The following KNTC1 variants were observed in gnomAD, a reference collection of about 807,000 sequenced individuals.
KNTC1 encodes kinetochore associated 1, also known as kinetochore-associated protein 1.
Under a neutral mutation model 314.4 loss-of-function variants are expected in KNTC1, and 253 were observed. That is an observed-to-expected ratio of 0.80 (90% CI 0.73 to 0.89). The LOEUF (loss-of-function observed/expected upper bound fraction) is 0.89. Ranked by LOEUF, KNTC1 falls within the 40% of genes least tolerant of loss-of-function variation. The pLI is 0.00. For missense variants in KNTC1, 2,475 were observed against 2,572.9 expected, an observed-to-expected ratio of 0.96 and a Z score of 0.82; for synonymous variants, 901 against 901.4, an observed-to-expected ratio of 1.00 and a Z score of 0.01.
At chr12:122,528,697 A>G (rs1961013719) in intron 1 of KNTC1, among the ~76,000 whole-genome samples, 2 of 152,224 alleles carry the variant, frequency 1.3e-5, no homozygotes, top group Non-Finnish European at 1.5e-5. Context: ...TAAATGGCAT[A>G]GTATTTGCAT....
chr12:122,588,122 T>C (rs1869632432), intron 39 of KNTC1, among the ~76,000 whole-genome samples: 1 of 152,206 alleles, frequency 6.6e-6, no homozygotes, highest in Admixed American at 6.5e-5. Context: ...GAAGCTCAGC[T>C]CAGATTCAGG....
In KNTC1 at chr12:122,621,908, G is replaced by A. The variant is rs186319199; in HGVS notation, c.6307G>A (p.Val2103Ile). Residue 2103 changes from valine (V) to isoleucine (I), a missense_variant, in exon 61 of 64, where the codon GTT (valine) becomes ATT (isoleucine). Val to Ile is a conservative substitution (Grantham distance 29). Transcript: ENST00000333479. ...KNFLGSCDPQ[V>I]ILKQLEEHMN... The stretch of plus-strand genomic sequence containing the variant: ...TTTTCTGGGTTCCTGTGACCCTCAG[G>A]TTATTTTAAAGCAATTGGAAGAGCA... 1 of 1,606,742 alleles carries A rather than the reference G, an allele frequency of 6.2e-7. No individual in the cohort carries two copies. The highest frequency in any genetic ancestry group is 1.3e-5 in the African/African-American group (1 of 74,772).
intron 6 of KNTC1, among the ~76,000 whole-genome samples, chr12:122,542,934 A>G (rs1230213777): frequency 6.6e-6 from 1 of 151,940 alleles, no homozygotes; most frequent in Non-Finnish European, 1.5e-5. Flanking sequence ...TATTTTTGAG[A>G]TGGAGTCTTG....
At chr12:122,574,703 TCTC>T (rs1252100402) in intron 27 of KNTC1, among the ~76,000 whole-genome samples, 1 of 152,108 alleles carries the variant, frequency 6.6e-6, no homozygotes, top group African/African-American at 2.4e-5. Context: ...CCTGCTTCAT[TCTC>T]CTAAAGTGTC....
At position 122,546,203 on chromosome 12, in the gene KNTC1, T is replaced by TG; in HGVS notation, c.700dup (p.Glu234GlyfsTer12). 1 of 1,609,688 alleles carries TG rather than the reference T, an allele frequency of 6.2e-7. No individual in the cohort carries two copies. The highest frequency in any genetic ancestry group is 8.5e-7 in the Non-Finnish European group (1 of 1,176,158). On this transcript the variant is annotated frameshift_variant, in exon 9 of 64. Transcript: ENST00000333479. LOFTEE classifies it high-confidence loss of function. ...AACCGGTAATTGTGCATTCTCAAAA[T>TG]GGGAACCAGATTCTTCCAAGAAAGG...
rs912886357 is a variant in KNTC1, at chr12:122,609,104, C to T, written c.5497-280C>T. The T allele has an allele frequency of 2.4e-5, 9 of 368,568 alleles. No individual in the cohort carries two copies. In the East Asian group the frequency reaches 4.9e-4, roughly 20 times the overall value. 22.8% of individuals were successfully genotyped at this position (368,568 alleles called of 1,614,324 possible). A position where few individuals can be genotyped will look rare whatever the true frequency, so the allele number is the denominator to read the frequency against. On this transcript the variant is annotated intron_variant, in intron 51 of 63. Transcript: ENST00000333479. ...AATAAAAATCCAATGCATGTCAGCT[C>T]CAGGAGGACAGGAACATTTGCTTTA...
At position 122,624,675 on chromosome 12, in the gene KNTC1, G is replaced by A. The variant is rs1874823857; in HGVS notation, c.6593G>A (p.Cys2198Tyr). 4.3e-6 allele frequency: 7 copies of A among 1,612,542 alleles called. No homozygotes were observed. Among genetic ancestry groups the A allele is most frequent in the Non-Finnish European group, 5.9e-6 (7 of 1,178,594 alleles). ...GKPVPPDTAPCEILKMFLSGL... is the reference protein window; with the variant it reads ...GKPVPPDTAPYEILKMFLSGL... ...CCTGTGCCTCCAGACACTGCTCCCTGTGAAATTCTGAAGGTAAAGCTGATG... is the reference window on the plus strand; with the variant it reads ...CCTGTGCCTCCAGACACTGCTCCCTATGAAATTCTGAAGGTAAAGCTGATG... The change falls in exon 63 of 64, where the codon TGT becomes TAT. Residue 2198 changes from cysteine (C) to tyrosine (Y), a missense_variant. Transcript: ENST00000333479.
Position 122,559,952 on chromosome 12 carries a change from T to C in KNTC1, c.1489-1969T>C, listed in dbSNP as rs1298932384. On this transcript the variant is annotated intron_variant, in intron 18 of 63. Coordinates refer to ENST00000333479, the MANE Select transcript of KNTC1 (RefSeq NM_014708.6). ...CGGCCATCGTCCATCTCCCCAACTC[T>C]TTTCATCGTTGTGAAACTGAAACTC... 6.6e-5 allele frequency among the ~76,000 whole-genome samples: 10 copies of C among 152,310 alleles called. No homozygotes were observed. The South Asian group carries it at 2.1e-3, about 32-fold the overall frequency.
In KNTC1 at chr12:122,538,324, A is replaced by G. The variant is rs1437610974; in HGVS notation, c.251-15A>G. 7.0e-6 allele frequency: 10 copies of G among 1,430,096 alleles called. No homozygotes were observed. The Admixed American group carries it at 1.1e-4, about 16-fold the overall frequency. 88.6% of individuals were successfully genotyped at this position (1,430,096 alleles called of 1,614,324 possible). A position where few individuals can be genotyped will look rare whatever the true frequency, so the allele number is the denominator to read the frequency against. ...TTTTCGAAGGAAGCTTGTAACTTTG[A>G]TTTGAAATTTTCAGATACTGAAGTG... On this transcript the variant is annotated splice_polypyrimidine_tract_variant and intron_variant, in intron 3 of 63. Transcript: ENST00000333479.
chr12:122,604,168 CTTTTTTTTT>C (rs1163057379), intron 48 of KNTC1, among the ~76,000 whole-genome samples: 3 of 100,362 alleles, frequency 3.0e-5, no homozygotes, highest in African/African-American at 1.2e-4. Flanking sequence ...CCCCGGTGGG[CTTTTTTTTT>C]TTTTTTTTTT....
intron 30 of KNTC1, 90 bp downstream of exon 30, chr12:122,577,119 C>A: frequency 9.7e-7 from 1 of 1,027,848 alleles, no homozygotes; most frequent in Non-Finnish European, 1.3e-6. Flanking sequence ...GCTCCATTGC[C>A]CAGGCTGGAG....
At position 122,609,436 on chromosome 12, in the gene KNTC1, C is replaced by CGA; in HGVS notation, c.5543+6_5543+7insGA. On this transcript the variant is annotated splice_region_variant and intron_variant, in intron 52 of 63. Coordinates refer to ENST00000333479, the MANE Select transcript of KNTC1 (RefSeq NM_014708.6). ...GAAGATGAAGCCCTACGAAGGTACTCTTTTCCTTTACTTATATTCACCTAT... is the reference window on the plus strand; with the variant it reads ...GAAGATGAAGCCCTACGAAGGTACTCGATTTTCCTTTACTTATATTCACCTAT... The CGA allele has an allele frequency of 6.5e-7, 1 of 1,543,234 alleles. No homozygotes were observed. The highest frequency in any genetic ancestry group is 1.7e-4 in the Middle Eastern group (1 of 5,934).
intron 63 of KNTC1, among the ~76,000 whole-genome samples, chr12:122,625,132 C>T (rs750753639): frequency 2.0e-5 from 3 of 152,110 alleles, no homozygotes; most frequent in East Asian, 1.9e-4. Flanking sequence ...TGGCTGGGCA[C>T]GGTGGCTCAC....
At position 122,546,672 on chromosome 12, in the gene KNTC1, GATGT is replaced by G. The variant is rs1565941181; in HGVS notation, c.816+3_816+6del. 2.6e-6 allele frequency: 4 copies of G among 1,562,188 alleles called. No homozygotes were observed. The highest frequency in any genetic ancestry group is 8.7e-7 in the Non-Finnish European group (1 of 1,144,032). Reference sequence around the variant, plus strand: ...CAATCTACTTTTTGTTCTTGATACTGATGTATGTTTCTTGTTTCTCCTTCAATGT... The same window carrying G: ...CAATCTACTTTTTGTTCTTGATACTGATGTTTCTTGTTTCTCCTTCAATGT... On this transcript the variant is annotated splice_donor_variant and coding_sequence_variant, in exon 10 of 64. Transcript: ENST00000333479. LOFTEE classifies it high-confidence loss of function.
chr12:122,576,536 C>T lies in KNTC1; in HGVS notation c.2587-359C>T, dbSNP rs528379165. Among the ~76,000 whole-genome samples the T allele has an allele frequency of 3.9e-5, 6 of 152,184 alleles. No individual in the cohort carries two copies. In the South Asian group the frequency reaches 8.3e-4, roughly 21 times the overall value. The stretch of plus-strand genomic sequence containing the variant: ...TCTGCTAAAAATGCAAAAAAATTAG[C>T]AGGGTGTGGTGGCATGTGCCTGTAG... On this transcript the variant is annotated intron_variant, in intron 29 of 63. Transcript: ENST00000333479.
At position 122,535,569 on chromosome 12, in the gene KNTC1, G is replaced by A. The variant is rs575465767; in HGVS notation, c.250+785G>A. 9.2e-5 allele frequency among the ~76,000 whole-genome samples: 14 copies of A among 152,144 alleles called. No homozygotes were observed. In the South Asian group the frequency reaches 2.7e-3, roughly 29 times the overall value. On this transcript the variant is annotated intron_variant, in intron 3 of 63. Coordinates refer to ENST00000333479, the MANE Select transcript of KNTC1 (RefSeq NM_014708.6). ...GAGGTAGGAGAATTGCTTGAACCTG[G>A]GAGGTGGAGGTTGCAGTGAGCCAAG...
intron 19 of KNTC1, among the ~76,000 whole-genome samples, 155 bp from the exon 20 acceptor site, chr12:122,562,481 ATG>A (rs1964043041): frequency 2.8e-5 from 3 of 108,128 alleles, no homozygotes; most frequent in South Asian, 6.5e-4. Flanking sequence ...GTGTGTGTGT[ATG>A]TGTGTGAAAT....
chr12:122,573,135 C>T lies in KNTC1; in HGVS notation c.2140-7C>T, dbSNP rs1478156569. 6.2e-7 allele frequency: 1 copy of T among 1,613,700 alleles called. No individual in the cohort carries two copies. The highest frequency in any genetic ancestry group is 1.1e-5 in the South Asian group (1 of 91,052). ...TGTATTTATTCCATCTTTCTTTTGGCATCCAGGAAAATACAACCACCATAG... is the reference window on the plus strand; with the variant it reads ...TGTATTTATTCCATCTTTCTTTTGGTATCCAGGAAAATACAACCACCATAG... On this transcript the variant is annotated splice_polypyrimidine_tract_variant and splice_region_variant and intron_variant, in intron 25 of 63. Transcript: ENST00000333479.
intron 6 of KNTC1, among the ~76,000 whole-genome samples, chr12:122,542,937 G>A (rs188794281): frequency 6.2e-4 from 94 of 152,100 alleles, no homozygotes; most frequent in Admixed American, 1.2e-3. Flanking sequence ...TTTTGAGATG[G>A]AGTCTTGCTC....
Sources: allele counts gnomAD v4.1 joint callset (sites outside exome capture counted in the v4.1 genomes callset), GRCh38; gene constraint gnomAD v4.1.1; transcripts MANE v1.5; gene names NCBI Gene and HGNC (gene_info 2026-07-23, HGNC 2026-07-21).